Variants in NRG1 observed in about 807,000 individuals in gnomAD.
NRG1 encodes pro-neuregulin-1, membrane-bound isoform.
NRG1 carries 18 observed loss-of-function variants against 63.8 expected under a neutral mutation model. The ratio of observed to expected loss-of-function variants is 0.28; its 90% CI spans 0.19 to 0.42. The LOEUF (loss-of-function observed/expected upper bound fraction) is 0.42, where lower values mean the gene tolerates loss of function less well. Ranked by LOEUF, NRG1 falls within the 10% of genes least tolerant of loss-of-function variation. The pLI is 1.00. For synonymous variants in NRG1, 302 were observed against 301.3 expected (o/e 1.00, Z -0.02); for missense variants, 762 against 814.7 (o/e 0.94, Z 0.79).
chr8:32,253,825 C>T (rs548024508), intron 1 of NRG1, among the ~76,000 whole-genome samples: 4 of 151,880 alleles, frequency 2.6e-5, no homozygotes, highest in Non-Finnish European at 5.9e-5. Flanking sequence ...TGGTCTTGGG[C>T]TTTTCGATTG....
chr8:32,532,888 T>G (rs923575800), intron 1 of NRG1, among the ~76,000 whole-genome samples: 1 of 152,054 alleles, frequency 6.6e-6, no homozygotes, highest in Non-Finnish European at 1.5e-5. Flanking sequence ...TTTTCTAAAA[T>G]GCAAAATTTG....
chr8:32,335,059 G>A (rs73582358), intron 1 of NRG1, among the ~76,000 whole-genome samples: 2 of 151,914 alleles, frequency 1.3e-5, no homozygotes, highest in African/African-American at 2.4e-5. Flanking sequence ...ATCCATAATT[G>A]ATATAGTGGT....
At chr8:31,809,172 C>A (rs1283654975) in intron 1 of NRG1, among the ~76,000 whole-genome samples, 1 of 151,628 alleles carries the variant, frequency 6.6e-6, no homozygotes, top group Non-Finnish European at 1.5e-5. Context: ...TTTTTATCTT[C>A]TCTGAGATAT....
At chr8:32,164,190 T>TTTC (rs1839162450) in intron 1 of NRG1, among the ~76,000 whole-genome samples, 2 of 151,924 alleles carry the variant, frequency 1.3e-5, no homozygotes, top group Non-Finnish European at 2.9e-5. Flanking sequence ...GACCTATTAT[T>TTTC]ATGTCATCAG....
At chr8:31,830,073 T>C (rs1824956711) in intron 1 of NRG1, among the ~76,000 whole-genome samples, 2 of 152,184 alleles carry the variant, frequency 1.3e-5, no homozygotes, top group African/African-American at 4.8e-5. Context: ...ATAAAAATAG[T>C]ATAGCAGCCA....
At chr8:31,924,398 A>G (rs1247024022) in intron 1 of NRG1, among the ~76,000 whole-genome samples, 1 of 151,914 alleles carries the variant, frequency 6.6e-6, no homozygotes, top group African/African-American at 2.4e-5. Context: ...TGTCAACTTC[A>G]TTGACATAAA....
rs79376615 is a variant in NRG1 at position 32,474,070 on chromosome 8, A to C, written c.38-121758A>C. Among the ~76,000 whole-genome samples, 448 of 152,274 alleles carry C rather than the reference A, an allele frequency of 2.9e-3. 1 individual carries two copies. Among genetic ancestry groups the C allele is most frequent in the Non-Finnish European group, 5.2e-3 (354 of 68,026 alleles). On this transcript the variant is annotated intron_variant, in intron 1 of 10. Transcript: ENST00000519301. ...CTTCCATTTAATACTTTTCTTAGTC[A>C]TTTACCAAATGTGTTTATAGTAATA...
chr8:32,507,246 G>T (rs1035785258), intron 1 of NRG1, among the ~76,000 whole-genome samples: 1 of 152,174 alleles, frequency 6.6e-6, no homozygotes, highest in East Asian at 1.9e-4. Context: ...GTTAAGGGGA[G>T]GCAGAGGGTA....
At chr8:32,010,433 A>G (rs937078731) in intron 1 of NRG1, among the ~76,000 whole-genome samples, 97 of 152,086 alleles carry the variant, frequency 6.4e-4, no homozygotes, top group Admixed American at 6.4e-3. Context: ...ATATCTAGAA[A>G]TAGGGCACTA....
intron 1 of NRG1, among the ~76,000 whole-genome samples, chr8:31,797,532 C>G (rs1308422250): frequency 3.3e-5 from 5 of 152,122 alleles, no homozygotes; most frequent in Admixed American, 2.6e-4. Context: ...TTAGTGCAGC[C>G]ATTATGGAAA....
intron 1 of NRG1, among the ~76,000 whole-genome samples, chr8:31,674,347 T>C (rs775472533): frequency 1.3e-5 from 2 of 152,210 alleles, no homozygotes; most frequent in Non-Finnish European, 2.9e-5. Flanking sequence ...GTTACAGTTC[T>C]ACCCGCAACG....
At chr8:32,091,045 C>T (rs972843819) in intron 1 of NRG1, among the ~76,000 whole-genome samples, 7 of 152,060 alleles carry the variant, frequency 4.6e-5, no homozygotes, top group Admixed American at 1.3e-4. Flanking sequence ...TCTGGGAGGC[C>T]GAGGTGGGCG....
chr8:32,694,876 C>T (rs143716516), intron 5 of NRG1, among the ~76,000 whole-genome samples: 13 of 152,274 alleles, frequency 8.5e-5, no homozygotes, highest in Admixed American at 4.6e-4. Context: ...CGAGGGTCCA[C>T]GGGAGCTAGG....
intron 1 of NRG1, among the ~76,000 whole-genome samples, chr8:32,311,413 T>C (rs924600580): frequency 1.3e-5 from 2 of 151,214 alleles, no homozygotes; most frequent in Non-Finnish European, 2.9e-5. Context: ...AAGCTGAGAG[T>C]TCAAATGCAA....
chr8:32,381,732 T>C (rs1810380801), intron 1 of NRG1, among the ~76,000 whole-genome samples: 1 of 152,144 alleles, frequency 6.6e-6, no homozygotes, highest in African/African-American at 2.4e-5. Flanking sequence ...TACTCTTAAA[T>C]AGTAAAAAAT....
chr8:32,579,913 C>G (rs1840340216), intron 1 of NRG1, among the ~76,000 whole-genome samples: 1 of 152,114 alleles, frequency 6.6e-6, no homozygotes, highest in Non-Finnish European at 1.5e-5. Flanking sequence ...TTTTCGGCTT[C>G]TAGAGGGGCT....
chr8:32,535,578 G>T (rs547087518), intron 1 of NRG1, among the ~76,000 whole-genome samples: 1 of 152,232 alleles, frequency 6.6e-6, no homozygotes, highest in South Asian at 2.1e-4. Flanking sequence ...AAACCTCCTT[G>T]GTGTCCATTC....
At chr8:32,120,447 A>G (rs1833294488) in intron 1 of NRG1, among the ~76,000 whole-genome samples, 1 of 152,046 alleles carries the variant, frequency 6.6e-6, no homozygotes, top group Non-Finnish European at 1.5e-5. Context: ...TTAGGATTAA[A>G]TAAAGTGCTA....
chr8:31,949,026 A>G (rs1314347138), intron 1 of NRG1, among the ~76,000 whole-genome samples: 1 of 152,198 alleles, frequency 6.6e-6, no homozygotes, highest in African/African-American at 2.4e-5. Flanking sequence ...ATGTTTTCCA[A>G]TTAAGAAGGA....
Sources: allele counts gnomAD v4.1 joint callset (sites outside exome capture counted in the v4.1 genomes callset), GRCh38; gene constraint gnomAD v4.1.1; transcripts MANE v1.5; gene names NCBI Gene and HGNC (gene_info 2026-07-23, HGNC 2026-07-21).